GNG2: variants seen among roughly 807,000 people sequenced by gnomAD.
GNG2 encodes G protein subunit gamma 2.
In GNG2, 5 loss-of-function variants were observed where a neutral mutation model predicts 5.5. The observed-to-expected ratio is 0.91, with a 90% CI of 0.48 to 1.92. The LOEUF (loss-of-function observed/expected upper bound fraction) is 1.92. Among genes scored for constraint, GNG2 ranks in the 30% most tolerant of loss-of-function variants. The pLI is 0.01. For missense variants in GNG2, 55 were observed against 88.4 expected, an observed-to-expected ratio of 0.62 and a Z score of 1.52; for synonymous variants, 28 against 32.0, an observed-to-expected ratio of 0.88 and a Z score of 0.42.
At chr14:51,910,768 G>A (rs1284672760) in intron 2 of GNG2, among the ~76,000 whole-genome samples, 1 of 152,190 alleles carries the variant, frequency 6.6e-6, no homozygotes, top group African/African-American at 2.4e-5. Flanking sequence ...GTCTTGTTCT[G>A]TTAATTGAAT....
intron 2 of GNG2, chr14:51,914,303 G>T: frequency 1.4e-6 from 1 of 701,958 alleles, no homozygotes; most frequent in South Asian, 1.5e-5. Context: ...GCCGTCTCAG[G>T]CCATTTCATT....
intron 2 of GNG2, among the ~76,000 whole-genome samples, chr14:51,921,883 T>C (rs1887033480): frequency 2.0e-5 from 3 of 152,342 alleles, no homozygotes; most frequent in South Asian, 4.1e-4. Flanking sequence ...AGAGATTCTG[T>C]TTTAATTAAA....
At chr14:51,928,815 C>T (rs980800363) in intron 2 of GNG2, among the ~76,000 whole-genome samples, 11 of 152,142 alleles carry the variant, frequency 7.2e-5, no homozygotes, top group African/African-American at 2.4e-4. Flanking sequence ...GGAGCAAATC[C>T]TGCTGGAGCT....
At chr14:51,907,119 G>T (rs1885982078) in intron 2 of GNG2, among the ~76,000 whole-genome samples, 1 of 152,156 alleles carries the variant, frequency 6.6e-6, no homozygotes, top group African/African-American at 2.4e-5. Context: ...GCACAGGCAT[G>T]ACGGCTCCTG....
chr14:51,905,250 C>G (rs556565372), intron 2 of GNG2, among the ~76,000 whole-genome samples: 1 of 152,168 alleles, frequency 6.6e-6, no homozygotes, highest in Non-Finnish European at 1.5e-5. Flanking sequence ...TTCCTAGACA[C>G]TTAAGATTCA....
intron 2 of GNG2, among the ~76,000 whole-genome samples, chr14:51,886,874 C>G (rs1230772176): frequency 2.0e-5 from 3 of 152,022 alleles, no homozygotes; most frequent in Non-Finnish European, 4.4e-5. Context: ...GGGGTATAAG[C>G]CAGGTGGAAT....
intron 2 of GNG2, chr14:51,877,899 A>G (rs1018399923): frequency 2.4e-4 from 67 of 283,822 alleles, no homozygotes; most frequent in African/African-American, 1.4e-3. Flanking sequence ...CCTGAGTTGG[A>G]GAGCCTTTGA....
At chr14:51,913,212 A>G (rs1442559141) in intron 2 of GNG2, 3 of 152,208 alleles carry the variant, frequency 2.0e-5, no homozygotes, top group Non-Finnish European at 4.4e-5. Context: ...AGGATGATAG[A>G]AGCATTAAAA....
intron 1 of GNG2, among the ~76,000 whole-genome samples, chr14:51,866,274 C>G (rs4898721): frequency 0.2 from 30,966 of 152,132 alleles, 3,640 homozygotes; most frequent in East Asian, 0.43. Context: ...ACTCTAGATT[C>G]ACTGCATCTC....
rs190361745 is a variant in GNG2, at chr14:51,849,993, T to C, written c.64+22186T>C. On this transcript the variant is annotated intron_variant, in intron 2 of 3. Transcript: ENST00000553432. Reference sequence around the variant, plus strand: ...CCTGCCTAATAAAAAATAAATGCTTTTAAATGGCCAATTCCAGTAATATCC... The same window carrying C: ...CCTGCCTAATAAAAAATAAATGCTTCTAAATGGCCAATTCCAGTAATATCC... Among the ~76,000 whole-genome samples the C allele has an allele frequency of 6.6e-5, 10 of 152,236 alleles. No homozygotes were observed. In the East Asian group the frequency reaches 1.5e-3, roughly 24 times the overall value.
At chr14:51,879,786 C>T (rs1883921295) in intron 2 of GNG2, among the ~76,000 whole-genome samples, 1 of 152,156 alleles carries the variant, frequency 6.6e-6, no homozygotes, top group African/African-American at 2.4e-5. Flanking sequence ...CTGGATAAGC[C>T]AGGCTAATCT....
intron 2 of GNG2, among the ~76,000 whole-genome samples, chr14:51,839,168 G>T (rs112036593): frequency 1.3e-5 from 2 of 152,290 alleles, no homozygotes; most frequent in African/African-American, 4.8e-5. Flanking sequence ...GCCTGAGAAG[G>T]CCCTGATGAC....
At chr14:51,835,830 AT>A (rs1025701106) in intron 2 of GNG2, among the ~76,000 whole-genome samples, 49 of 152,252 alleles carry the variant, frequency 3.2e-4, no homozygotes, top group African/African-American at 1.2e-3. Context: ...TATTAGTCTT[AT>A]TACTAATTTT....
intron 2 of GNG2, among the ~76,000 whole-genome samples, chr14:51,892,305 A>AT (rs1390678883): frequency 6.6e-6 from 1 of 150,772 alleles, no homozygotes; most frequent in Non-Finnish European, 1.5e-5. Context: ...TCTTTCTTTT[A>AT]TTTATTTTAT....
chr14:51,928,198 T>C (rs1385778105), intron 2 of GNG2, among the ~76,000 whole-genome samples: 1 of 151,696 alleles, frequency 6.6e-6, no homozygotes, highest in African/African-American at 2.4e-5. Context: ...CCCGGCTAAT[T>C]TTTTTGTATT....
At chr14:51,948,166 A>G (rs1481778714) in intron 2 of GNG2, among the ~76,000 whole-genome samples, 2 of 152,236 alleles carry the variant, frequency 1.3e-5, no homozygotes, top group Admixed American at 6.5e-5. Context: ...TCATGTAACT[A>G]TACCTAGCTG....
At chr14:51,942,853 C>T (rs1304134475) in intron 2 of GNG2, among the ~76,000 whole-genome samples, 1 of 151,986 alleles carries the variant, frequency 6.6e-6, no homozygotes, top group African/African-American at 2.4e-5. Context: ...CCATGGTTGC[C>T]ATGTGACCCA....
chr14:51,966,385 A>G (rs1032582), intron 3 of GNG2, among the ~76,000 whole-genome samples, 174 bp from the exon 4 acceptor site: 135,902 of 152,192 alleles, frequency 0.89, 61,558 homozygotes, highest in Non-Finnish European at 0.98. Context: ...ACAATCCTGT[A>G]AGGTCAGTGT....
chr14:51,880,983 A>AC (rs1884029603), intron 2 of GNG2, among the ~76,000 whole-genome samples: 1 of 150,812 alleles, frequency 6.6e-6, no homozygotes, highest in Non-Finnish European at 1.5e-5. Context: ...AAAAAAAAAA[A>AC]AAAAACCCTG....
Sources: gnomAD v4.1 joint callset for allele counts (sites outside exome capture counted in the v4.1 genomes callset) on GRCh38, gnomAD v4.1.1 for gene constraint, MANE v1.5 for transcripts, NCBI Gene and HGNC (gene_info 2026-07-23, HGNC 2026-07-21) for gene names.